The following RAP1A variants were observed in gnomAD, a reference collection of about 807,000 sequenced individuals.
RAP1A encodes the protein RAP1A, member of RAS oncogene family.
In RAP1A, 6 loss-of-function variants were observed where a neutral mutation model predicts 26.4. The observed-to-expected ratio is 0.23, with a 90% CI of 0.12 to 0.45. RAP1A has a LOEUF of 0.45. RAP1A is among the 20% of genes least tolerant of loss of function. RAP1A has a pLI of 0.99. For missense variants in RAP1A, 121 were observed against 217.2 expected (o/e 0.56, Z 2.78); for synonymous variants, 73 against 79.4 (o/e 0.92, Z 0.43).
intron 1 of RAP1A, among the ~76,000 whole-genome samples, chr1:111,601,882 T>C (rs1658678928): frequency 6.6e-6 from 1 of 152,224 alleles, no homozygotes; most frequent in African/African-American, 2.4e-5. Context: ...GCTATTATTA[T>C]TTTTATAACA....
At chr1:111,603,854 A>C (rs1003306866) in intron 1 of RAP1A, among the ~76,000 whole-genome samples, 2 of 152,204 alleles carry the variant, frequency 1.3e-5, no homozygotes, top group Non-Finnish European at 2.9e-5. Context: ...GATCCTGCCC[A>C]ACTTTGACCC....
chr1:111,623,175 G>A (rs760124240), intron 1 of RAP1A, among the ~76,000 whole-genome samples: 31 of 91,982 alleles, frequency 3.4e-4, no homozygotes, highest in Non-Finnish European at 6.1e-4. Context: ...CCACCACCAC[G>A]CCCAGATAAT....
At chr1:111,632,782 G>A (rs957361991) in intron 1 of RAP1A, among the ~76,000 whole-genome samples, 3 of 152,078 alleles carry the variant, frequency 2.0e-5, no homozygotes, top group South Asian at 2.1e-4. Context: ...CTAGCTGGGC[G>A]CGGTGGCGCA....
chr1:111,667,393 G>A (rs1325508731), intron 1 of RAP1A, among the ~76,000 whole-genome samples: 2 of 152,090 alleles, frequency 1.3e-5, no homozygotes, highest in Non-Finnish European at 2.9e-5. Context: ...TTCATCAAAT[G>A]TAGATTCATG....
intron 1 of RAP1A, among the ~76,000 whole-genome samples, chr1:111,677,296 G>C (rs1265839345): frequency 6.6e-6 from 1 of 152,002 alleles, no homozygotes; most frequent in South Asian, 2.1e-4. Context: ...GTAGATTTTT[G>C]GCTATTACAA....
At chr1:111,707,592 G>C (rs1662234560) in intron 6 of RAP1A, among the ~76,000 whole-genome samples, 1 of 152,156 alleles carries the variant, frequency 6.6e-6, no homozygotes, top group African/African-American at 2.4e-5. Flanking sequence ...TATATATTCA[G>C]ATTTTACCAG....
At chr1:111,654,001 T>C (rs1660370192) in intron 1 of RAP1A, among the ~76,000 whole-genome samples, 1 of 152,180 alleles carries the variant, frequency 6.6e-6, no homozygotes, top group African/African-American at 2.4e-5. Flanking sequence ...GGCGAGTCTC[T>C]TGTTTTCATG....
intron 1 of RAP1A, among the ~76,000 whole-genome samples, chr1:111,635,398 G>T (rs568867955): frequency 3.3e-5 from 5 of 152,348 alleles, no homozygotes; most frequent in African/African-American, 1.2e-4. Flanking sequence ...AAGTTTGCAT[G>T]TAGTGCCTAC....
At chr1:111,697,989 A>G (rs1022069710) in intron 4 of RAP1A, among the ~76,000 whole-genome samples, 2 of 152,194 alleles carry the variant, frequency 1.3e-5, no homozygotes, top group Non-Finnish European at 2.9e-5. Flanking sequence ...TTAAATGAGT[A>G]TAATGATGTT....
intron 1 of RAP1A, among the ~76,000 whole-genome samples, chr1:111,634,328 T>C (rs1659659919): frequency 6.6e-6 from 1 of 152,034 alleles, no homozygotes; most frequent in African/African-American, 2.4e-5. Flanking sequence ...AATCATAAAA[T>C]TGCATTTGTC....
In RAP1A at chr1:111,597,125, A is replaced by G. The variant is rs185335463; in HGVS notation, c.-28+54616A>G. ...TCAGGAGTATATGTAGTCAGTTTCCACTTTTTAATATCCATGATAAGCCCT... is the reference window on the plus strand; with the variant it reads ...TCAGGAGTATATGTAGTCAGTTTCCGCTTTTTAATATCCATGATAAGCCCT... On this transcript the variant is annotated intron_variant, in intron 1 of 7. Coordinates refer to the RAP1A transcript ENST00000356415. Among the ~76,000 whole-genome samples, 261 of 152,316 alleles carry G rather than the reference A, an allele frequency of 1.7e-3. 1 individual carries two copies. The highest frequency in any genetic ancestry group is 5.3e-3 in the African/African-American group (219 of 41,556).
At chr1:111,557,845 G>A (rs780121429) in intron 1 of RAP1A, among the ~76,000 whole-genome samples, 9 of 152,086 alleles carry the variant, frequency 5.9e-5, no homozygotes, top group Non-Finnish European at 1.3e-4. Flanking sequence ...CATAAAAATT[G>A]GGGGAGATTA....
chr1:111,578,365 G>T (rs1165072638), intron 1 of RAP1A, among the ~76,000 whole-genome samples: 3 of 152,062 alleles, frequency 2.0e-5, no homozygotes, highest in Non-Finnish European at 4.4e-5. Context: ...ACTCACAGAG[G>T]GTCTTGTAAG....
At chr1:111,657,035 A>G (rs1045720077) in intron 1 of RAP1A, among the ~76,000 whole-genome samples, 5 of 151,088 alleles carry the variant, frequency 3.3e-5, no homozygotes, top group Non-Finnish European at 5.9e-5. Context: ...CCACCATTCT[A>G]TTTTCTGTCT....
chr1:111,564,029 A>G lies in RAP1A; in HGVS notation c.-28+21520A>G. 8.4e-6 allele frequency: 9 copies of G among 1,066,668 alleles called. No individual in the cohort carries two copies. In the South Asian group the frequency reaches 1.0e-4, roughly 12 times the overall value. The allele number at this position is 1,066,668 out of a possible 1,614,324, so 66.1% of individuals were successfully genotyped here. On this transcript the variant is annotated intron_variant, in intron 1 of 7. Transcript: ENST00000356415. ...ATTCCACCCATCCAACCCTTCTGCC[A>G]TTAGAGAACCAGGAATTCCCTGTTT... is the stretch of plus-strand genomic sequence containing the variant.
chr1:111,605,339 G>T (rs1452620924), intron 1 of RAP1A, among the ~76,000 whole-genome samples: 1 of 152,156 alleles, frequency 6.6e-6, no homozygotes, highest in Admixed American at 6.5e-5. Context: ...AATGTCTTTG[G>T]ATCCCCAGGG....
intron 1 of RAP1A, among the ~76,000 whole-genome samples, chr1:111,601,189 G>A (rs1219333884): frequency 6.6e-6 from 1 of 152,206 alleles, no homozygotes; most frequent in South Asian, 2.1e-4. Flanking sequence ...TAAACCACCT[G>A]CTTCTCTTTG....
At chr1:111,575,649 G>A (rs1306254228) in intron 1 of RAP1A, among the ~76,000 whole-genome samples, 1 of 152,084 alleles carries the variant, frequency 6.6e-6, no homozygotes, top group East Asian at 1.9e-4. Flanking sequence ...CCAGGCACAC[G>A]TGCACACAGA....
chr1:111,578,681 G>A (rs10745319), intron 1 of RAP1A, among the ~76,000 whole-genome samples: 124,418 of 151,722 alleles, frequency 0.82, 52,400 homozygotes, highest in Non-Finnish European at 0.91. Flanking sequence ...GTTTTTCCCC[G>A]TACACCAAGC....
Sources: gnomAD v4.1 joint callset for allele counts (sites outside exome capture counted in the v4.1 genomes callset) on GRCh38, gnomAD v4.1.1 for gene constraint, MANE v1.5 for transcripts, NCBI Gene and HGNC (gene_info 2026-07-23, HGNC 2026-07-21) for gene names.